MTMR7: variants seen among roughly 807,000 people sequenced by gnomAD.
MTMR7 encodes the protein myotubularin related protein 7.
Under a neutral mutation model 81.2 loss-of-function variants are expected in MTMR7, and 76 were observed. The ratio of observed to expected loss-of-function variants is 0.94; its 90% CI spans 0.78 to 1.13. MTMR7 has a LOEUF of 1.13. MTMR7 is among the 50% of genes most tolerant of loss of function. The pLI, the probability that MTMR7 is intolerant of heterozygous loss-of-function variation, is 0.00. For missense variants in MTMR7, 1,044 were observed against 820.0 expected (o/e 1.27, Z -3.34); for synonymous variants, 372 against 289.8 (o/e 1.28, Z -2.88).
intron 7 of MTMR7, among the ~76,000 whole-genome samples, chr8:17,319,217 C>A (rs534350242): frequency 5.0e-4 from 76 of 152,308 alleles, no homozygotes; most frequent in African/African-American, 1.7e-3. Flanking sequence ...GTAACCTGGG[C>A]TAGTTACTGA....
rs2150453691 is a variant in MTMR7 at position 17,299,901 on chromosome 8, C to T, written c.1944G>A (p.Lys648=). 3 of 1,614,158 alleles carry T rather than the reference C, an allele frequency of 1.9e-6. No homozygotes were observed. Among genetic ancestry groups the T allele is most frequent in the Non-Finnish European group, 2.5e-6 (3 of 1,180,004 alleles). ...GEHAPSEDSG[K]DRDSDEAVFL... Reference sequence around the variant, plus strand: ...ACACGGCTTCATCAGAATCCCGGTCCTTGCCACTATCTTCACTCGGTGCAT... The same window carrying T: ...ACACGGCTTCATCAGAATCCCGGTCTTTGCCACTATCTTCACTCGGTGCAT... The change falls in exon 14 of 14, where the codon AAG becomes AAA. Residue 648 remains lysine, a synonymous_variant. Coordinates refer to ENST00000180173, the MANE Select transcript of MTMR7 (RefSeq NM_004686.5).
At chr8:17,399,883 A>C (rs1190703229) in intron 1 of MTMR7, among the ~76,000 whole-genome samples, 1 of 151,942 alleles carries the variant, frequency 6.6e-6, no homozygotes, top group Non-Finnish European at 1.5e-5. Context: ...AAAAAAAAAA[A>C]AACCAAAAAA....
At chr8:17,350,861 A>G (rs1819708605) in intron 4 of MTMR7, among the ~76,000 whole-genome samples, 1 of 152,248 alleles carries the variant, frequency 6.6e-6, no homozygotes, top group South Asian at 2.1e-4. Flanking sequence ...TCTACCAGAC[A>G]TTTTAGGAAA....
intron 2 of MTMR7, 81 bp downstream of exon 2, chr8:17,373,037 T>G: frequency 6.5e-7 from 1 of 1,547,010 alleles, no homozygotes; most frequent in Non-Finnish European, 8.8e-7. Flanking sequence ...CATCTCACCC[T>G]GAGGAAAAAT....
rs561820496 is a variant in MTMR7, at chr8:17,352,722, A to G, written c.469-3641T>C. On this transcript the variant is annotated intron_variant, in intron 4 of 13. Coordinates refer to ENST00000180173, the MANE Select transcript of MTMR7 (RefSeq NM_004686.5). Reference sequence around the variant, plus strand: ...GTATCTTAGGGAAATCAAAATCAAAACCACAATGAGATGCTAACTCACAAT... The same window carrying G: ...GTATCTTAGGGAAATCAAAATCAAAGCCACAATGAGATGCTAACTCACAAT... Among the ~76,000 whole-genome samples, 6 of 152,302 alleles carry G rather than the reference A, an allele frequency of 3.9e-5. No homozygotes were observed. In the East Asian group the frequency reaches 1.2e-3, roughly 29 times the overall value.
At chr8:17,352,837 C>T (rs1443468313) in intron 4 of MTMR7, among the ~76,000 whole-genome samples, 1 of 152,118 alleles carries the variant, frequency 6.6e-6, no homozygotes, top group African/African-American at 2.4e-5. Flanking sequence ...AACCCTAGTG[C>T]ACTGTGGATG....
rs976735422 is a variant in MTMR7, at chr8:17,379,644, T to A, written c.25-6404A>T. 1.7e-4 allele frequency among the ~76,000 whole-genome samples: 26 copies of A among 152,308 alleles called. No homozygotes were observed. The East Asian group carries it at 4.8e-3, about 28-fold the overall frequency. On this transcript the variant is annotated intron_variant, in intron 1 of 13. Transcript: ENST00000180173. ...TTTTTAAAACTAGGAAACATGTACT[T>A]ATTTACTTAATGTTTAAAGATTTGG...
Position 17,373,129 on chromosome 8 carries a change from T to C in MTMR7, c.136A>G (p.Lys46Glu), listed in dbSNP as rs753708538. The C allele has an allele frequency of 5.6e-6, 9 of 1,613,722 alleles. No individual in the cohort carries two copies. In the South Asian group the frequency reaches 8.8e-5, roughly 16 times the overall value. ...IFVENSPDPR[K>E]ETWILHSQIS... Reference sequence around the variant, plus strand: ...TAAAGAAAGCATACCCATGTTTCTTTTCTTGGGTCAGGTGAATTTTCCACG... The same window carrying C: ...TAAAGAAAGCATACCCATGTTTCTTCTCTTGGGTCAGGTGAATTTTCCACG... The change falls in exon 2 of 14, where the codon AAA becomes GAA. Residue 46 changes from lysine to glutamate, a missense_variant. Transcript: ENST00000180173.
intron 7 of MTMR7, among the ~76,000 whole-genome samples, chr8:17,323,839 C>T (rs1818534151): frequency 6.6e-6 from 1 of 152,176 alleles, no homozygotes; most frequent in Admixed American, 6.5e-5. Context: ...ATGGGCTACA[C>T]TTTCTTCTAC....
intron 9 of MTMR7, among the ~76,000 whole-genome samples, chr8:17,310,507 A>C (rs375486613): frequency 5.3e-5 from 8 of 152,310 alleles, no homozygotes; most frequent in African/African-American, 1.9e-4. Context: ...GTGCAGGAGA[A>C]GAGCCTAAGG....
chr8:17,411,395 C>G (rs1821730072), intron 1 of MTMR7, among the ~76,000 whole-genome samples: 1 of 152,166 alleles, frequency 6.6e-6, no homozygotes. Flanking sequence ...GCACATGTCT[C>G]TATCATACAC....
At chr8:17,401,956 T>A (rs910708720) in intron 1 of MTMR7, among the ~76,000 whole-genome samples, 2 of 152,164 alleles carry the variant, frequency 1.3e-5, no homozygotes, top group Non-Finnish European at 2.9e-5. Context: ...GGAATGACAA[T>A]ACAAAACATA....
intron 6 of MTMR7, among the ~76,000 whole-genome samples, chr8:17,339,705 T>C (rs777444878): frequency 2.0e-5 from 3 of 152,254 alleles, no homozygotes; most frequent in African/African-American, 4.8e-5. Flanking sequence ...AATGAACAAA[T>C]ATTCACATAC....
intron 3 of MTMR7, 141 bp downstream of exon 3, chr8:17,370,896 C>T (rs538451316): frequency 3.2e-5 from 23 of 726,548 alleles, no homozygotes; most frequent in African/African-American, 2.5e-4. Context: ...GATGATCATT[C>T]GGGCTTATCC....
At chr8:17,394,974 G>A (rs968446042) in intron 1 of MTMR7, among the ~76,000 whole-genome samples, 2 of 152,004 alleles carry the variant, frequency 1.3e-5, no homozygotes, top group African/African-American at 4.8e-5. Context: ...TAATTCAGTG[G>A]CGTTAAGTAC....
At chr8:17,377,646 T>G (rs1213419919) in intron 1 of MTMR7, among the ~76,000 whole-genome samples, 1 of 152,158 alleles carries the variant, frequency 6.6e-6, no homozygotes, top group African/African-American at 2.4e-5. Flanking sequence ...TTCTTTTTGT[T>G]TAATAACAAA....
At chr8:17,357,716 G>A (rs763693116) in intron 4 of MTMR7, among the ~76,000 whole-genome samples, 3 of 152,118 alleles carry the variant, frequency 2.0e-5, no homozygotes, top group African/African-American at 7.2e-5. Flanking sequence ...TAAAGGCAAA[G>A]GAATAGCAAT....
chr8:17,311,486 G>A (rs1304563492), intron 9 of MTMR7, 25 bp downstream of exon 9: 3 of 1,613,668 alleles, frequency 1.9e-6, no homozygotes, highest in Non-Finnish European at 2.5e-6. Flanking sequence ...ACCGCCTGTG[G>A]GAATCGCCCA....
At chr8:17,410,692 T>C (rs541618900) in intron 1 of MTMR7, among the ~76,000 whole-genome samples, 11 of 152,336 alleles carry the variant, frequency 7.2e-5, no homozygotes, top group South Asian at 2.1e-4. Context: ...GAAAGAAATA[T>C]GTGCAAAGCA....
Sources: gnomAD v4.1 joint callset for allele counts (sites outside exome capture counted in the v4.1 genomes callset) on GRCh38, gnomAD v4.1.1 for gene constraint, MANE v1.5 for transcripts, NCBI Gene and HGNC (gene_info 2026-07-23, HGNC 2026-07-21) for gene names.